The following CABLES1 variants were observed in gnomAD, a reference collection of about 807,000 sequenced individuals.
CABLES1 encodes CDK5 and ABL1 enzyme substrate 1.
In CABLES1, 36 loss-of-function variants were observed where a neutral mutation model predicts 57.8. The ratio of observed to expected loss-of-function variants is 0.62; its 90% confidence interval spans 0.48 to 0.82. CABLES1 has a LOEUF of 0.82. Ranked by LOEUF, CABLES1 falls within the 40% of genes least tolerant of loss-of-function variation. The pLI is 0.00. For synonymous variants in CABLES1, 374 were observed against 363.0 expected (o/e 1.03, Z -0.35); for missense variants, 767 against 836.6 (o/e 0.92, Z 1.03).
At chr18:23,143,969 C>T (rs1276108994) in intron 1 of CABLES1, among the ~76,000 whole-genome samples, 1 of 152,264 alleles carries the variant, frequency 6.6e-6, no homozygotes, top group African/African-American at 2.4e-5. Context: ...CACACACCCT[C>T]TGAGGCCTGT....
chr18:23,222,544 A>C (rs113140917), intron 4 of CABLES1, among the ~76,000 whole-genome samples: 28,800 of 147,932 alleles, frequency 0.19, 3,523 homozygotes, highest in Middle Eastern at 0.29. Flanking sequence ...CTCTCTCTCT[A>C]TATATATCTA....
intron 3 of CABLES1, among the ~76,000 whole-genome samples, chr18:23,205,597 A>G (rs1422545548): frequency 6.6e-6 from 1 of 152,110 alleles, no homozygotes; most frequent in African/African-American, 2.4e-5. Flanking sequence ...TCAGAATGTG[A>G]GTTTATTTGG....
At chr18:23,239,678 T>C (rs996916117) in intron 7 of CABLES1, among the ~76,000 whole-genome samples, 1 of 152,220 alleles carries the variant, frequency 6.6e-6, no homozygotes, top group Non-Finnish European at 1.5e-5. Context: ...TGAGGCCTTA[T>C]TATGAGCCAA....
At chr18:23,215,293 C>G (rs2047433595) in intron 4 of CABLES1, among the ~76,000 whole-genome samples, 1 of 152,142 alleles carries the variant, frequency 6.6e-6, no homozygotes. Context: ...CTGCTGTGGC[C>G]CCGGGTCTGG....
intron 1 of CABLES1, among the ~76,000 whole-genome samples, chr18:23,137,299 C>G (rs1413185909): frequency 6.6e-6 from 1 of 152,178 alleles, no homozygotes; most frequent in East Asian, 1.9e-4. Flanking sequence ...AGTTATCTGG[C>G]GGCATTAGGC....
chr18:23,250,347 G>T (rs1568092860), intron 7 of CABLES1, among the ~76,000 whole-genome samples: 2 of 152,134 alleles, frequency 1.3e-5, no homozygotes, highest in Non-Finnish European at 2.9e-5. Context: ...GGATTGGGGG[G>T]TGAGGGGTTG....
At chr18:23,167,401 C>G (rs1438599788) in intron 1 of CABLES1, among the ~76,000 whole-genome samples, 1 of 152,112 alleles carries the variant, frequency 6.6e-6, no homozygotes, top group African/African-American at 2.4e-5. Flanking sequence ...GTCTGTTTCA[C>G]CACATGCCTC....
intron 1 of CABLES1, among the ~76,000 whole-genome samples, chr18:23,187,249 T>C (rs1778629436): frequency 6.6e-6 from 1 of 152,218 alleles, no homozygotes. Context: ...AGAGTGAAAC[T>C]ACAGTTTCTG....
chr18:23,178,020 A>G (rs1177513355), intron 1 of CABLES1, among the ~76,000 whole-genome samples: 2 of 152,142 alleles, frequency 1.3e-5, no homozygotes, highest in Non-Finnish European at 2.9e-5. Context: ...CATAGGGCGC[A>G]TTTCTGTCTA....
chr18:23,209,008 C>T (rs888088300), intron 3 of CABLES1, among the ~76,000 whole-genome samples: 2 of 152,248 alleles, frequency 1.3e-5, no homozygotes, highest in African/African-American at 4.8e-5. Context: ...CCAGTAGGAC[C>T]TCATCCTTAC....
chr18:23,243,514 A>G (rs950931807), intron 7 of CABLES1, among the ~76,000 whole-genome samples: 16 of 135,584 alleles, frequency 1.2e-4, no homozygotes, highest in African/African-American at 4.2e-4. Context: ...TGTTAACAGC[A>G]CTATTAGAAT....
chr18:23,248,230 A>G (rs1440247798), intron 7 of CABLES1, among the ~76,000 whole-genome samples: 1 of 152,174 alleles, frequency 6.6e-6, no homozygotes, highest in African/African-American at 2.4e-5. Context: ...CGGATCGGAT[A>G]TCGTCAGTGC....
chr18:23,186,418 CTCT>C (rs1460925787), intron 1 of CABLES1, among the ~76,000 whole-genome samples: 1 of 150,708 alleles, frequency 6.6e-6, no homozygotes, highest in African/African-American at 2.4e-5. Context: ...GCTTTCTTTT[CTCT>C]TCTTTTTTTT....
chr18:23,227,565 T>TTGA (rs1423395041), intron 4 of CABLES1, among the ~76,000 whole-genome samples: 12 of 152,294 alleles, frequency 7.9e-5, no homozygotes, highest in Admixed American at 3.3e-4. Flanking sequence ...CTTTTGTCCA[T>TTGA]CAACTGTGGA....
chr18:23,223,867 T>A (rs550053079), intron 4 of CABLES1, among the ~76,000 whole-genome samples: 2 of 152,100 alleles, frequency 1.3e-5, no homozygotes, highest in Non-Finnish European at 2.9e-5. Flanking sequence ...GGGTATGGGT[T>A]GTGCCCACGC....
At chr18:23,146,338 C>G (rs1054663746) in intron 1 of CABLES1, among the ~76,000 whole-genome samples, 21 of 151,796 alleles carry the variant, frequency 1.4e-4, no homozygotes, top group Non-Finnish European at 4.4e-5. Flanking sequence ...GAGTCTTGCT[C>G]TGTCGCCCAG....
intron 2 of CABLES1, among the ~76,000 whole-genome samples, chr18:23,191,603 A>G (rs1360615522): frequency 6.6e-6 from 1 of 152,242 alleles, no homozygotes. Flanking sequence ...AAATGGCTCC[A>G]AGGAATCTAT....
At position 23,188,539 on chromosome 18, in the gene CABLES1, G is replaced by A. The variant is rs2047218687; in HGVS notation, c.846-299G>A. Among the ~76,000 whole-genome samples, 4 of 151,118 alleles carry A rather than the reference G, an allele frequency of 2.6e-5. No individual in the cohort carries two copies. The Admixed American group carries it at 2.7e-4, about 10-fold the overall frequency. On this transcript the variant is annotated intron_variant, in intron 1 of 9. Transcript: ENST00000256925. ...TCCTGTATATTACAAGAGGCACCTT[G>A]TCTTTGTGTGTGTGTGTGTGTGTGT...
At chr18:23,191,031 G>A (rs2042000691) in intron 2 of CABLES1, among the ~76,000 whole-genome samples, 1 of 142,822 alleles carries the variant, frequency 7.0e-6, no homozygotes. Flanking sequence ...GTTGCTTGAG[G>A]TTAGGAGTTT....
Sources: allele counts gnomAD v4.1 joint callset (sites outside exome capture counted in the v4.1 genomes callset), GRCh38; gene constraint gnomAD v4.1.1; transcripts MANE v1.5; gene names NCBI Gene and HGNC (gene_info 2026-07-23, HGNC 2026-07-21).